Variants in TXNDC16 observed in about 807,000 individuals in gnomAD.
TXNDC16 encodes the protein thioredoxin domain-containing protein 16.
A neutral mutation model predicts 85.6 loss-of-function variants in TXNDC16; 74 were observed. The ratio of observed to expected loss-of-function variants is 0.86; its 90% CI spans 0.72 to 1.05. The LOEUF (loss-of-function observed/expected upper bound fraction) is 1.05. TXNDC16 is among the 50% of genes least tolerant of loss of function. TXNDC16 has a pLI of 0.00. For missense variants in TXNDC16, 959 were observed against 947.0 expected, an observed-to-expected ratio of 1.01 and a Z score of -0.17; for synonymous variants, 335 against 326.5, an observed-to-expected ratio of 1.03 and a Z score of -0.28.
intron 1 of TXNDC16, among the ~76,000 whole-genome samples, chr14:52,545,257 A>C (rs2037918318): frequency 6.6e-6 from 1 of 152,110 alleles, no homozygotes; most frequent in Non-Finnish European, 1.5e-5. Flanking sequence ...TGTAGCACCA[A>C]AGGTCTAACC....
chr14:52,545,234 C>A (rs1371117528), intron 1 of TXNDC16, among the ~76,000 whole-genome samples: 1 of 151,946 alleles, frequency 6.6e-6, no homozygotes, highest in Non-Finnish European at 1.5e-5. Flanking sequence ...CTCTTTTCAC[C>A]TAGAATGTAT....
intron 1 of TXNDC16, among the ~76,000 whole-genome samples, chr14:52,548,479 G>A (rs2037983628): frequency 6.6e-6 from 1 of 152,144 alleles, no homozygotes; most frequent in African/African-American, 2.4e-5. Context: ...GGAGGCAGAC[G>A]CAGTTTGTCA....
chr14:52,512,607 A>C (rs1030690998), intron 8 of TXNDC16, among the ~76,000 whole-genome samples: 1 of 152,216 alleles, frequency 6.6e-6, no homozygotes, highest in Non-Finnish European at 1.5e-5. Flanking sequence ...GAAACAACAG[A>C]ATAATGTTGG....
At chr14:52,437,488 T>C (rs559776939) in intron 20 of TXNDC16, among the ~76,000 whole-genome samples, 4 of 152,196 alleles carry the variant, frequency 2.6e-5, no homozygotes, top group African/African-American at 2.4e-5. Flanking sequence ...CTCCAGGATA[T>C]TGGACTGGGC....
At chr14:52,474,311 C>A (rs1248064676) in intron 14 of TXNDC16, among the ~76,000 whole-genome samples, 1 of 152,158 alleles carries the variant, frequency 6.6e-6, no homozygotes, top group Admixed American at 6.6e-5. Flanking sequence ...TATATTTTCT[C>A]CTCCTTTGCT....
chr14:52,449,559 A>C (rs79360551), intron 18 of TXNDC16, among the ~76,000 whole-genome samples: 13,042 of 152,162 alleles, frequency 0.086, 614 homozygotes, highest in South Asian at 0.14. Flanking sequence ...GGAAATCCGC[A>C]AAGAAACCTC....
At position 52,432,204 on chromosome 14, in the gene TXNDC16, G is replaced by A. The variant is rs1021134787; in HGVS notation, c.*100C>T. 3 of 991,422 alleles carry A rather than the reference G, an allele frequency of 3.0e-6. No individual in the cohort carries two copies. In the African/African-American group the frequency reaches 5.0e-5, roughly 16 times the overall value. The allele number at this position is 991,422 out of a possible 1,614,324, so 61.4% of individuals were successfully genotyped here. On this transcript the variant is annotated 3_prime_UTR_variant, in exon 21 of 21. Coordinates refer to ENST00000281741, the MANE Select transcript of TXNDC16 (RefSeq NM_020784.3). ...ACTTATATTATAATTCTATTGGATG[G>A]CACTAGTCTGCAAACTTGAAATGAT...
At chr14:52,456,765 C>T (rs948891656) in intron 17 of TXNDC16, among the ~76,000 whole-genome samples, 5 of 152,006 alleles carry the variant, frequency 3.3e-5, no homozygotes, top group Non-Finnish European at 5.9e-5. Context: ...ACCTCAGATG[C>T]TCAAAAAGAA....
At chr14:52,532,857 G>C (rs1027378029) in intron 6 of TXNDC16, among the ~76,000 whole-genome samples, 1 of 152,148 alleles carries the variant, frequency 6.6e-6, no homozygotes, top group Non-Finnish European at 1.5e-5. Context: ...AAGAAGATAG[G>C]TTGTTCCTCA....
At chr14:52,484,463 GATT>G (rs2036221469) in intron 12 of TXNDC16, among the ~76,000 whole-genome samples, 6 of 152,304 alleles carry the variant, frequency 3.9e-5, no homozygotes, top group Middle Eastern at 6.8e-3. Flanking sequence ...AGTCCCTTAA[GATT>G]ATAATAGAGC....
At position 52,440,566 on chromosome 14, in the gene TXNDC16, A is replaced by T; in HGVS notation, c.2001T>A (p.Asn667Lys). The T allele has an allele frequency of 1.3e-6, 2 of 1,584,608 alleles. No homozygotes were observed. The highest frequency in any genetic ancestry group is 1.7e-6 in the Non-Finnish European group (2 of 1,169,508). Residue 667 changes from asparagine (N) to lysine (K), a missense_variant and splice_region_variant, in exon 19 of 21, where the codon AAT becomes AAA. Transcript: ENST00000281741. ...YLDSFTPCWL[N>K]LKNTPVGRGI... ...TTAAAAAATAAACACATACTTACAG[A>T]TTTAACCAGCATGGAGTAAATGAAT...
At chr14:52,494,466 C>A (rs930052870) in intron 9 of TXNDC16, among the ~76,000 whole-genome samples, 1 of 152,166 alleles carries the variant, frequency 6.6e-6, no homozygotes, top group Non-Finnish European at 1.5e-5. Context: ...AAACCTGGGT[C>A]TTACAACCAC....
chr14:52,477,270 T>A (rs544471672), intron 14 of TXNDC16, among the ~76,000 whole-genome samples: 25 of 151,696 alleles, frequency 1.6e-4, no homozygotes, highest in Admixed American at 7.2e-4. Flanking sequence ...ACAATTTTTT[T>A]AAAATGGTAT....
At chr14:52,500,867 C>T (rs1490330419) in intron 9 of TXNDC16, among the ~76,000 whole-genome samples, 1 of 152,128 alleles carries the variant, frequency 6.6e-6, no homozygotes, top group East Asian at 1.9e-4. Flanking sequence ...ACTTACCCAT[C>T]TTTTAACATT....
intron 1 of TXNDC16, among the ~76,000 whole-genome samples, chr14:52,551,111 A>G (rs187525266): frequency 2.6e-5 from 4 of 152,222 alleles, no homozygotes; most frequent in Non-Finnish European, 4.4e-5. Flanking sequence ...TACATCTACC[A>G]CAGTTTGTCA....
intron 11 of TXNDC16, among the ~76,000 whole-genome samples, chr14:52,490,067 G>A (rs1040694650): frequency 1.1e-4 from 17 of 152,114 alleles, no homozygotes; most frequent in East Asian, 3.9e-4. Context: ...GGGCTCAAGC[G>A]ATCCACCTGC....
At chr14:52,508,928 A>T (rs1409192357) in intron 9 of TXNDC16, among the ~76,000 whole-genome samples, 1 of 152,186 alleles carries the variant, frequency 6.6e-6, no homozygotes, top group Non-Finnish European at 1.5e-5. Context: ...GCGGGGAGGG[A>T]TAGCATTAGG....
intron 9 of TXNDC16, among the ~76,000 whole-genome samples, chr14:52,504,076 G>C (rs1026365334): frequency 6.6e-6 from 1 of 152,172 alleles, no homozygotes; most frequent in Non-Finnish European, 1.5e-5. Context: ...TACGTGAAAA[G>C]ACCAAATCTA....
chr14:52,543,582 G>A lies in TXNDC16; in HGVS notation c.-25C>T, dbSNP rs756680917. The A allele has an allele frequency of 2.6e-5, 42 of 1,610,232 alleles. No individual in the cohort carries two copies. The highest frequency in any genetic ancestry group is 3.5e-5 in the Non-Finnish European group (41 of 1,178,434). On this transcript the variant is annotated 5_prime_UTR_variant, in exon 3 of 21. Transcript: ENST00000281741. ...TTATCAGCTGCAGTTGTATCTGAGC[G>A]GATTTTGTCTGTTTTTTCACTGCTG...
Sources: gnomAD v4.1 joint callset for allele counts (sites outside exome capture counted in the v4.1 genomes callset) on GRCh38, gnomAD v4.1.1 for gene constraint, MANE v1.5 for transcripts, NCBI Gene and HGNC (gene_info 2026-07-23, HGNC 2026-07-21) for gene names.